CEP83: variants seen among roughly 807,000 people sequenced by gnomAD.
CEP83 encodes the protein centrosomal protein 83.
In CEP83, 70 loss-of-function variants were observed where a neutral mutation model predicts 101.9. The observed-to-expected ratio is 0.69, with a 90% CI of 0.57 to 0.84. The LOEUF (loss-of-function observed/expected upper bound fraction) is 0.84, where lower values mean the gene tolerates loss of function less well. Among genes scored for constraint, CEP83 ranks in the 40% least tolerant of loss-of-function variants. The pLI is 0.00. For synonymous variants in CEP83, 264 were observed against 267.9 expected, an observed-to-expected ratio of 0.99 and a Z score of 0.14; for missense variants, 715 against 787.2, an observed-to-expected ratio of 0.91 and a Z score of 1.10.
chr12:94,317,208 CATGT>C (rs2136332274), intron 14 of CEP83, among the ~76,000 whole-genome samples: 1 of 152,206 alleles, frequency 6.6e-6, no homozygotes, highest in South Asian at 2.1e-4. Flanking sequence ...TTGTTGGTCA[CATGT>C]ATGTCTTTTG....
chr12:94,375,501 G>C (rs1381124307), intron 8 of CEP83, among the ~76,000 whole-genome samples: 3 of 152,120 alleles, frequency 2.0e-5, no homozygotes, highest in Non-Finnish European at 4.4e-5. Flanking sequence ...GCTCTGAATG[G>C]GTAGAAAGCA....
At chr12:94,311,644 G>C (rs1398376513) in intron 15 of CEP83, among the ~76,000 whole-genome samples, 1 of 152,318 alleles carries the variant, frequency 6.6e-6, no homozygotes, top group East Asian at 1.9e-4. Flanking sequence ...TGTGTTGACT[G>C]TGTGAGAATA....
chr12:94,281,415 G>A, the CEP83 span, among the ~76,000 whole-genome samples: 1 of 152,200 alleles, frequency 6.6e-6, no homozygotes, highest in South Asian at 2.1e-4. Context: ...AGCCGCCTGG[G>A]ACTACAGAAA....
At chr12:94,438,849 C>T (rs921599706) in intron 1 of CEP83, among the ~76,000 whole-genome samples, 3 of 152,104 alleles carry the variant, frequency 2.0e-5, no homozygotes, top group African/African-American at 7.2e-5. Context: ...CAGAATAAAA[C>T]TAGAAATTAA....
chr12:94,348,762 C>A (rs916099381), intron 11 of CEP83, among the ~76,000 whole-genome samples: 1 of 152,178 alleles, frequency 6.6e-6, no homozygotes, highest in African/African-American at 2.4e-5. Flanking sequence ...GCAATGCCCG[C>A]AGCCGGCACT....
At position 94,400,897 on chromosome 12, in the gene CEP83, C is replaced by A; in HGVS notation, c.502G>T (p.Glu168Ter). The change falls in exon 6 of 17, where the codon GAG becomes TAG. Residue 168 changes from glutamate (E) to a stop codon, truncating the protein, a stop_gained. Transcript: ENST00000397809. LOFTEE classifies it high-confidence loss of function. Reference sequence around the variant, plus strand: ...CCTTCATCTAAAATACGTGCATACTCTTCCTTCTGGTGTTCAAATTCTGAC... The same window carrying A: ...CCTTCATCTAAAATACGTGCATACTATTCCTTCTGGTGTTCAAATTCTGAC... ...LKSEFEHQKE[E>*]YARILDEGKI... is the part of the protein sequence containing the mutation. 2 of 1,514,338 alleles carry A rather than the reference C, an allele frequency of 1.3e-6. No individual in the cohort carries two copies. Among genetic ancestry groups the A allele is most frequent in the South Asian group, 1.4e-5 (1 of 70,408 alleles). The allele number at this position is 1,514,338 out of a possible 1,614,324, so 93.8% of individuals were successfully genotyped here. A position where few individuals can be genotyped will look rare whatever the true frequency, so the allele number is the denominator to read the frequency against.
the CEP83 span, among the ~76,000 whole-genome samples, chr12:94,284,568 C>T: frequency 3.3e-5 from 5 of 152,168 alleles, no homozygotes; most frequent in East Asian, 3.9e-4. Flanking sequence ...TTCAGTATTT[C>T]GCCCCATTCT....
intron 2 of CEP83, among the ~76,000 whole-genome samples, chr12:94,433,559 T>C (rs576834751): frequency 5.3e-5 from 8 of 151,942 alleles, no homozygotes; most frequent in South Asian, 4.2e-4. Flanking sequence ...CATGTGCCTA[T>C]GGTCCCAGCT....
chr12:94,289,165 C>T, the CEP83 span, among the ~76,000 whole-genome samples: 1 of 151,988 alleles, frequency 6.6e-6, no homozygotes, highest in African/African-American at 2.4e-5. Context: ...AGAAATCTTA[C>T]CTTCACTTGC....
chr12:94,396,137 C>T (rs962139878), intron 6 of CEP83, among the ~76,000 whole-genome samples: 1 of 152,094 alleles, frequency 6.6e-6, no homozygotes, highest in Non-Finnish European at 1.5e-5. Flanking sequence ...ATTGTCATTA[C>T]TATTTCCAGA....
intron 14 of CEP83, among the ~76,000 whole-genome samples, chr12:94,317,196 G>T (rs552650380): frequency 2.0e-5 from 3 of 152,088 alleles, no homozygotes; most frequent in African/African-American, 7.2e-5. Flanking sequence ...TATTTCATAT[G>T]CTTGTTGGTC....
downstream of CEP83, chr12:94,305,106 G>A: frequency 1.2e-6 from 1 of 831,668 alleles, no homozygotes; most frequent in Middle Eastern, 2.4e-4. Context: ...ACCACTCACA[G>A]CATCAGGTAT....
At chr12:94,303,561 G>T (rs1461955109), downstream of CEP83, among the ~76,000 whole-genome samples, 1 of 152,222 alleles carries the variant, frequency 6.6e-6, no homozygotes, top group Middle Eastern at 3.4e-3. Context: ...TGACTCACCA[G>T]AACTATCTAG....
the CEP83 span, among the ~76,000 whole-genome samples, chr12:94,282,573 C>T: frequency 6.6e-6 from 1 of 152,236 alleles, no homozygotes; most frequent in Non-Finnish European, 1.5e-5. Flanking sequence ...CCATGAAGGG[C>T]TCTCACAGTG....
At chr12:94,309,662 C>T (rs1969532887) in intron 16 of CEP83, among the ~76,000 whole-genome samples, 1 of 152,138 alleles carries the variant, frequency 6.6e-6, no homozygotes, top group Non-Finnish European at 1.5e-5. Flanking sequence ...AATCAAGTTT[C>T]CTCTTTTCTA....
chr12:94,355,664 C>G (rs943410233), intron 11 of CEP83, among the ~76,000 whole-genome samples: 3 of 152,212 alleles, frequency 2.0e-5, no homozygotes, highest in African/African-American at 7.2e-5. Flanking sequence ...AGCAATGTAA[C>G]ATGTCCATAA....
intron 11 of CEP83, among the ~76,000 whole-genome samples, chr12:94,344,890 T>TAG (rs996224369): frequency 6.6e-6 from 1 of 152,110 alleles, no homozygotes; most frequent in Non-Finnish European, 1.5e-5. Flanking sequence ...AAGAACCAGG[T>TAG]AGAGGACGTG....
chr12:94,458,707 C>CA (rs2067897779), intron 1 of CEP83, among the ~76,000 whole-genome samples: 1 of 152,194 alleles, frequency 6.6e-6, no homozygotes, highest in South Asian at 2.1e-4. Flanking sequence ...TACTGCACTC[C>CA]AGCCTGGGCG....
chr12:94,368,138 T>G lies in CEP83; in HGVS notation c.1112A>C (p.Glu371Ala). The G allele has an allele frequency of 6.2e-7, 1 of 1,613,024 alleles. No individual in the cohort carries two copies. The highest frequency in any genetic ancestry group is 1.3e-5 in the African/African-American group (1 of 75,054). The change falls in exon 10 of 17, where the codon GAA becomes GCA. Residue 371 changes from glutamate to alanine, a missense_variant. By Grantham distance (107) the Glu-to-Ala change is moderately radical (BLOSUM62 -1). Coordinates refer to ENST00000397809, the MANE Select transcript of CEP83 (RefSeq NM_016122.3). ...AVEHHKVLLV[E>A]KDRELIRKVQ... ...TTTACGTATTAATTCACGATCCTTTTCTACTAAGAGCACTTTGTGATGTTC... is the reference window on the plus strand; with the variant it reads ...TTTACGTATTAATTCACGATCCTTTGCTACTAAGAGCACTTTGTGATGTTC...
Sources: gnomAD v4.1 joint callset for allele counts (sites outside exome capture counted in the v4.1 genomes callset) on GRCh38, gnomAD v4.1.1 for gene constraint, MANE v1.5 for transcripts, NCBI Gene and HGNC (gene_info 2026-07-23, HGNC 2026-07-21) for gene names.